The following ADGRE2 variants were observed in gnomAD, a reference collection of about 807,000 sequenced individuals.
The protein encoded by ADGRE2 is CD97 antigen.
A neutral mutation model predicts 100.8 loss-of-function variants in ADGRE2; 83 were observed. The observed-to-expected ratio is 0.82, with a 90% CI of 0.69 to 0.99. ADGRE2 has a LOEUF of 0.99. Ranked by LOEUF, ADGRE2 falls within the 50% of genes least tolerant of loss-of-function variation. The pLI is 0.00. For synonymous variants in ADGRE2, 355 were observed against 413.0 expected (o/e 0.86, Z 1.70); for missense variants, 814 against 1,035.7 (o/e 0.79, Z 2.94).
rs375965832 is a variant in ADGRE2 at position 14,764,898 on chromosome 19, T to C, written c.907-288A>G. On this transcript the variant is annotated intron_variant, in intron 10 of 20. Coordinates refer to ENST00000315576, the MANE Select transcript of ADGRE2 (RefSeq NM_013447.4). ...CGGGCGTGGTGGCGTGTGCCTGTAA[T>C]CCTAGCTACTCAGGGGGCTGAGGGA... is the stretch of plus-strand genomic sequence containing the variant. 2.8e-4 allele frequency among the ~76,000 whole-genome samples: 42 copies of C among 152,208 alleles called. No individual in the cohort carries two copies. The East Asian group carries it at 4.3e-3, about 15-fold the overall frequency.
the ADGRE2 span, among the ~76,000 whole-genome samples, chr19:14,727,024 CTTTTTTTT>C: frequency 5.7e-5 from 4 of 70,098 alleles, no homozygotes; most frequent in Non-Finnish European, 9.9e-5. Flanking sequence ...AGAAAAGAGG[CTTTTTTTT>C]TTTTTTTTTT....
intron 20 of ADGRE2, among the ~76,000 whole-genome samples, chr19:14,742,265 GC>G (rs1032438328): frequency 6.6e-6 from 1 of 152,118 alleles, no homozygotes; most frequent in African/African-American, 2.4e-5. Context: ...AAGAGGTCTT[GC>G]TGTCATCCAG....
At chr19:14,774,101 C>T in intron 3 of ADGRE2, 47 bp from the exon 4 acceptor site, 1 of 1,567,228 alleles carries the variant, frequency 6.4e-7, no homozygotes, top group Non-Finnish European at 8.8e-7. Flanking sequence ...TAAGGGAATA[C>T]ACAAAAAGGG....
intron 14 of ADGRE2, 28 bp downstream of exon 14, chr19:14,754,926 A>C (rs2043435270): frequency 6.2e-7 from 1 of 1,602,758 alleles, no homozygotes; most frequent in Non-Finnish European, 8.5e-7. Context: ...CAATAAATGC[A>C]GAGTGCATCC....
In ADGRE2 at chr19:14,746,950, T is replaced by A. The variant is rs370665322; in HGVS notation, c.2037A>T (p.Gln679His). 52 of 1,612,644 alleles carry A rather than the reference T, an allele frequency of 3.2e-5. No individual in the cohort carries two copies. Among genetic ancestry groups the A allele is most frequent in the Non-Finnish European group, 4.3e-5 (51 of 1,179,544 alleles). ...AGCCCCATATAAATCCCTTTTCTGG[T>A]TGGAGCCAGCAGCTGAAAAAAGAGA... ...LYGTPSRCWL[Q>H]PEKGFIWGFL... The change falls in exon 17 of 21, where the codon CAA (glutamine) becomes CAT (histidine). Residue 679 changes from glutamine (Q) to histidine (H), a missense_variant. Physicochemically the swap from Gln to His is conservative, Grantham distance 24. Coordinates refer to ENST00000315576, the MANE Select transcript of ADGRE2 (RefSeq NM_013447.4).
Position 14,745,091 on chromosome 19 carries a change from C to T in ADGRE2, c.2183+1141G>A, listed in dbSNP as rs372230194. Among the ~76,000 whole-genome samples the T allele has an allele frequency of 4.0e-5, 6 of 151,836 alleles. No homozygotes were observed. In the East Asian group the frequency reaches 5.8e-4, roughly 15 times the overall value. ...TTTTAGTAGAGACGGGGTTTCACCA[C>T]GTTGGTCAGGCTGGTCTCTTTGGCC... On this transcript the variant is annotated intron_variant, in intron 18 of 20. Transcript: ENST00000315576.
chr19:14,739,118 C>T (rs548985279), intron 20 of ADGRE2, among the ~76,000 whole-genome samples: 1 of 152,046 alleles, frequency 6.6e-6, no homozygotes, highest in South Asian at 2.1e-4. Flanking sequence ...TACAAGCATC[C>T]ACCACCATGC....
At chr19:14,739,743 T>G (rs975170050) in intron 20 of ADGRE2, among the ~76,000 whole-genome samples, 1 of 152,176 alleles carries the variant, frequency 6.6e-6, no homozygotes, top group Non-Finnish European at 1.5e-5. Flanking sequence ...TGCCCTGGAT[T>G]GTCTTGGTGA....
Position 14,776,853 on chromosome 19 carries a change from C to A in ADGRE2, c.-97G>T. 1 of 1,572,750 alleles carries A rather than the reference C, an allele frequency of 6.4e-7. No homozygotes were observed. The highest frequency in any genetic ancestry group is 2.4e-5 in the East Asian group (1 of 42,072). On this transcript the variant is annotated 5_prime_UTR_variant, in exon 2 of 21. Coordinates refer to ENST00000315576, the MANE Select transcript of ADGRE2 (RefSeq NM_013447.4). ...GGCTGGGCAGCTGTGCGGGCTGTCCCGAGGCCAGGACTTTATAAAGGAGGG... is the reference window on the plus strand; with the variant it reads ...GGCTGGGCAGCTGTGCGGGCTGTCCAGAGGCCAGGACTTTATAAAGGAGGG...
intron 14 of ADGRE2, among the ~76,000 whole-genome samples, chr19:14,754,714 C>T (rs546548892): frequency 6.6e-6 from 1 of 152,210 alleles, no homozygotes. Flanking sequence ...CTGAATTCTG[C>T]CAGCAACCAG....
Position 14,764,509 on chromosome 19 carries a change from G to A in ADGRE2, c.1008C>T (p.Gly336=), listed in dbSNP as rs765462161. Residue 336 remains glycine (G), a synonymous_variant, in exon 11 of 21, where the codon GGC becomes GGT. Coordinates refer to ENST00000315576, the MANE Select transcript of ADGRE2 (RefSeq NM_013447.4). ...QHCVASHLLD[G]LEDVLRGLSK... is the part of the protein sequence containing the mutation. ...TCAGGCCTCTGAGGACATCCTCTAG[G>A]CCATCCAGCAGGTGACTGGCCACAC... 2 of 1,613,076 alleles carry A rather than the reference G, an allele frequency of 1.2e-6. No homozygotes were observed. The highest frequency in any genetic ancestry group is 2.2e-5 in the South Asian group (2 of 91,084).
At chr19:14,746,377 T>G in intron 17 of ADGRE2, 54 bp from the exon 18 acceptor site, 1 of 685,638 alleles carries the variant, frequency 1.5e-6, no homozygotes, top group Non-Finnish European at 2.3e-6. Flanking sequence ...TGTTATCTCT[T>G]TTTTTTTTTT....
intron 11 of ADGRE2, among the ~76,000 whole-genome samples, chr19:14,763,199 T>C (rs941992048): frequency 2.0e-5 from 3 of 151,574 alleles, no homozygotes; most frequent in Non-Finnish European, 4.4e-5. Flanking sequence ...AAAAATTAGC[T>C]GGGCGTGGTG....
intron 1 of ADGRE2, among the ~76,000 whole-genome samples, chr19:14,777,767 A>G (rs2044490192): frequency 6.8e-6 from 1 of 147,894 alleles, no homozygotes; most frequent in Admixed American, 7.1e-5. Flanking sequence ...TTTCTGTGTT[A>G]GTTTGCTGAG....
intron 17 of ADGRE2, 80 bp downstream of exon 17, chr19:14,746,816 C>T (rs2147172938): frequency 2.1e-6 from 3 of 1,399,776 alleles, no homozygotes; most frequent in Middle Eastern, 1.8e-4. Context: ...GACATTCCTG[C>T]TCTTGTCACC....
chr19:14,766,002 C>T (rs2043956396), intron 7 of ADGRE2, 198 bp from the exon 8 acceptor site: 1 of 831,552 alleles, frequency 1.2e-6, no homozygotes, highest in East Asian at 2.7e-5. Flanking sequence ...TGGTGAAACG[C>T]CTTCCTCCCA....
intron 1 of ADGRE2, chr19:14,777,200 G>A: frequency 2.0e-6 from 1 of 508,438 alleles, no homozygotes; most frequent in Non-Finnish European, 2.5e-6. Context: ...CCCTGGGCAG[G>A]CACGCAGGGG....
At chr19:14,743,399 T>C in intron 20 of ADGRE2, 21 bp downstream of exon 20, 1 of 1,602,650 alleles carries the variant, frequency 6.2e-7, no homozygotes, top group East Asian at 2.2e-5. Context: ...TGAAGTGCTC[T>C]GGAGCAATGC....
Position 14,766,317 on chromosome 19 carries a change from C to T in ADGRE2, c.552G>A (p.Val184=). The part of the protein sequence containing the change: ...CHSSTHCLNN[V]GSYQCRCRPG... Reference sequence around the variant, plus strand: ...GGCGGCAGCGGCACTGATAGCTGCCCACGTTGTTGAGGCAGTGGGTGGAGC... The same window carrying T: ...GGCGGCAGCGGCACTGATAGCTGCCTACGTTGTTGAGGCAGTGGGTGGAGC... Residue 184 remains valine (V), a synonymous_variant, in exon 7 of 21, where the codon GTG becomes GTA. Coordinates refer to ENST00000315576, the MANE Select transcript of ADGRE2 (RefSeq NM_013447.4). 1 of 1,614,020 alleles carries T rather than the reference C, an allele frequency of 6.2e-7. No individual in the cohort carries two copies. Among genetic ancestry groups the T allele is most frequent in the Non-Finnish European group, 8.5e-7 (1 of 1,180,022 alleles).
Sources: allele counts gnomAD v4.1 joint callset (sites outside exome capture counted in the v4.1 genomes callset), GRCh38; gene constraint gnomAD v4.1.1; transcripts MANE v1.5; gene names NCBI Gene and HGNC (gene_info 2026-07-23, HGNC 2026-07-21).